PMS2: variants seen among roughly 807,000 people sequenced by gnomAD.
PMS2 encodes the protein PMS1 homolog 2, mismatch repair system component.
PMS2 carries 69 observed loss-of-function variants against 90.0 expected under a neutral mutation model. The observed-to-expected ratio is 0.77, with a 90% CI of 0.63 to 0.94. The LOEUF (loss-of-function observed/expected upper bound fraction) is 0.94. Among genes scored for constraint, PMS2 ranks in the 40% least tolerant of loss-of-function variants. PMS2 has a pLI of 0.00. For missense variants in PMS2, 966 were observed against 1,040.2 expected (o/e 0.93, Z 0.98); for synonymous variants, 332 against 375.1 (o/e 0.89, Z 1.33).
chr7:5,989,301 G>A (rs111476849), intron 10 of PMS2, among the ~76,000 whole-genome samples: 4 of 151,864 alleles, frequency 2.6e-5, no homozygotes, highest in Admixed American at 1.3e-4. Flanking sequence ...TGTGGTGGTG[G>A]GCGCCTGTAA....
At chr7:5,986,326 T>C (rs1425879399) in intron 11 of PMS2, among the ~76,000 whole-genome samples, 3 of 151,870 alleles carry the variant, frequency 2.0e-5, no homozygotes, top group Non-Finnish European at 4.4e-5. Flanking sequence ...CCTCCCTCCT[T>C]GGCTTGGCCT....
chr7:5,987,977 CG>C (rs1439001048), intron 10 of PMS2, among the ~76,000 whole-genome samples: 1 of 146,198 alleles, frequency 6.8e-6, no homozygotes, highest in East Asian at 2.2e-4. Context: ...CCCTTTAGCC[CG>C]GGAGGCAGAG....
chr7:5,999,112 T>C lies in PMS2; in HGVS notation c.701A>G (p.Lys234Arg). ...GAAGTAACCGGCCATCACTACCTGCTTCTGCCCAAACACAGAGCCGATATT... is the reference window on the plus strand; with the variant it reads ...GAAGTAACCGGCCATCACTACCTGCCTCTGCCCAAACACAGAGCCGATATT... ...KENIGSVFGQ[K>R]QLQSLIPFVQ... Residue 234 changes from lysine (K) to arginine (R), a missense_variant, in exon 6 of 15, where the codon AAG becomes AGG. This residue lies in a region of PMS2 where 871 missense variants were observed against 802.4 expected (regional missense o/e 1.09). Coordinates refer to ENST00000265849, the MANE Select transcript of PMS2 (RefSeq NM_000535.7). 1 of 1,614,128 alleles carries C rather than the reference T, an allele frequency of 6.2e-7. No individual in the cohort carries two copies. Among genetic ancestry groups the C allele is most frequent in the Non-Finnish European group, 8.5e-7 (1 of 1,180,010 alleles).
chr7:5,981,803 T>C (rs999198704), intron 12 of PMS2, among the ~76,000 whole-genome samples: 1 of 151,752 alleles, frequency 6.6e-6, no homozygotes, highest in Non-Finnish European at 1.5e-5. Flanking sequence ...CTCAGTTTTA[T>C]CGCTTGTGGA....
chr7:5,978,785 T>C (rs1782003623), intron 12 of PMS2, 89 bp from the exon 13 acceptor site: 2 of 1,294,736 alleles, frequency 1.5e-6, no homozygotes, highest in Non-Finnish European at 2.2e-6. Flanking sequence ...CAATACTGTA[T>C]TTTGAATTCA....
At chr7:5,988,445 C>A (rs1469621208) in intron 10 of PMS2, among the ~76,000 whole-genome samples, 3 of 152,032 alleles carry the variant, frequency 2.0e-5, no homozygotes, top group African/African-American at 7.2e-5. Flanking sequence ...ATAATCCCAG[C>A]TACTAGGGAG....
chr7:5,987,674 G>C, intron 10 of PMS2, 54 bp from the exon 11 acceptor site: 4 of 1,058,130 alleles, frequency 3.8e-6, no homozygotes, highest in Non-Finnish European at 5.8e-6. Context: ...AATGGTGAGA[G>C]GACGTGCTTA....
At chr7:6,008,318 G>A (rs1786101160) in intron 1 of PMS2, among the ~76,000 whole-genome samples, 1 of 152,178 alleles carries the variant, frequency 6.6e-6, no homozygotes, top group South Asian at 2.1e-4. Context: ...ATGCAAATGT[G>A]CTAGCCAAGA....
At chr7:6,002,368 C>T (rs1249192927) in intron 5 of PMS2, 85 bp downstream of exon 5, 7 of 872,906 alleles carry the variant, frequency 8.0e-6, no homozygotes. Flanking sequence ...GGAAGAGAAT[C>T]AACTGAAGAA....
intron 11 of PMS2, among the ~76,000 whole-genome samples, chr7:5,985,403 G>A (rs562954042): frequency 2.0e-5 from 3 of 150,774 alleles, no homozygotes; most frequent in South Asian, 2.1e-4. Context: ...CACCATGTTA[G>A]GCCTGAGGAG....
chr7:6,000,419 C>G (rs189642315), intron 5 of PMS2, among the ~76,000 whole-genome samples: 1 of 147,172 alleles, frequency 6.8e-6, no homozygotes, highest in Non-Finnish European at 1.5e-5. Flanking sequence ...CAACCACATA[C>G]AATTCTGTAT....
intron 4 of PMS2, chr7:6,003,383 T>G (rs750111267): frequency 3.4e-5 from 8 of 233,262 alleles, no homozygotes; most frequent in Non-Finnish European, 5.8e-5. Context: ...GGTGAAATGT[T>G]TCCCTAAAAA....
intron 8 of PMS2, among the ~76,000 whole-genome samples, chr7:5,995,291 C>A (rs1382623173): frequency 2.6e-5 from 4 of 152,168 alleles, no homozygotes. Context: ...CCCGCCTCGG[C>A]CTCCCAAAGT....
intron 6 of PMS2, among the ~76,000 whole-genome samples, chr7:5,998,693 CAAA>C (rs1170781204): frequency 3.0e-5 from 3 of 101,492 alleles, no homozygotes; most frequent in Admixed American, 1.1e-4. Flanking sequence ...GACTCCAGCT[CAAA>C]AAAAAAAAAA....
intron 1 of PMS2, among the ~76,000 whole-genome samples, chr7:6,007,948 C>G (rs532137197): frequency 6.6e-5 from 10 of 151,666 alleles, no homozygotes; most frequent in African/African-American, 2.4e-4. Flanking sequence ...CAACCTCCGC[C>G]TCCTGGGTTC....
chr7:6,003,962 G>C lies in PMS2; in HGVS notation c.250+10C>G, dbSNP rs368113288. 6.4e-7 allele frequency: 1 copy of C among 1,556,750 alleles called. No individual in the cohort carries two copies. Among genetic ancestry groups the C allele is most frequent in the Non-Finnish European group, 8.9e-7 (1 of 1,129,578 alleles). On this transcript the variant is annotated intron_variant, in intron 3 of 14. Transcript: ENST00000265849. ...TTATTTTATAATAGGATTAGAAAAA[G>C]TCAACTTACTTAAGCCTTCGAAGTT...
At chr7:5,978,448 T>C in intron 13 of PMS2, 148 bp downstream of exon 13, 1 of 918,560 alleles carries the variant, frequency 1.1e-6, no homozygotes, top group Non-Finnish European at 1.7e-6. Context: ...TTTTTGTATT[T>C]TCAGTAGAGA....
At chr7:6,002,144 T>G (rs1265347201) in intron 5 of PMS2, 2 of 330,262 alleles carry the variant, frequency 6.1e-6, no homozygotes, top group East Asian at 1.6e-4. Context: ...ATCCTCCCAC[T>G]TCAGCCTCCC....
chr7:5,989,884 C>G lies in PMS2; in HGVS notation c.1060G>C (p.Val354Leu), dbSNP rs750984324. The G allele has an allele frequency of 6.2e-7, 1 of 1,612,238 alleles. No homozygotes were observed. The highest frequency in any genetic ancestry group is 8.5e-7 in the Non-Finnish European group (1 of 1,178,582). Reference sequence around the variant, plus strand: ...ATTCCTATCAAAGAGGTCTTTAAAACTGCCAACAAAAGCTTTTCCTCTTGT... The same window carrying G: ...ATTCCTATCAAAGAGGTCTTTAAAAGTGCCAACAAAAGCTTTTCCTCTTGT... ...LLQEEKLLLAVLKTSLIGMFD... is the reference protein window; with the variant it reads ...LLQEEKLLLALLKTSLIGMFD... Residue 354 changes from valine (V) to leucine (L), a missense_variant, in exon 10 of 15, where the codon GTT becomes CTT. By Grantham distance (32) the Val-to-Leu change is conservative. This residue lies in a region of PMS2 where 871 missense variants were observed against 802.4 expected (regional missense o/e 1.09). Coordinates refer to ENST00000265849, the MANE Select transcript of PMS2 (RefSeq NM_000535.7).
Sources: allele counts gnomAD v4.1 joint callset (sites outside exome capture counted in the v4.1 genomes callset), GRCh38; gene constraint gnomAD v4.1.1; regional missense constraint gnomAD v4.1.1; transcripts MANE v1.5; gene names NCBI Gene and HGNC (gene_info 2026-07-23, HGNC 2026-07-21).